Variants in PRKACB observed in about 807,000 individuals in gnomAD.
The protein encoded by PRKACB is protein kinase cAMP-activated catalytic subunit beta.
In PRKACB, 16 loss-of-function variants were observed where a neutral mutation model predicts 51.4. That is an observed-to-expected ratio of 0.31 (90% CI 0.21 to 0.47). PRKACB has a LOEUF of 0.47. PRKACB is among the 20% of genes least tolerant of loss of function. The pLI is 1.00. For missense variants in PRKACB, 309 were observed against 464.5 expected, an observed-to-expected ratio of 0.67 and a Z score of 3.08; for synonymous variants, 147 against 154.4, an observed-to-expected ratio of 0.95 and a Z score of 0.35.
chr1:84,109,489 C>T (rs1408997298), intron 1 of PRKACB, among the ~76,000 whole-genome samples: 1 of 151,708 alleles, frequency 6.6e-6, no homozygotes, highest in Non-Finnish European at 1.5e-5. Context: ...CTTTTATAGA[C>T]GGGAGTCCCT....
intron 1 of PRKACB, among the ~76,000 whole-genome samples, chr1:84,086,552 C>T (rs1031974108): frequency 2.0e-5 from 3 of 152,324 alleles, no homozygotes; most frequent in Non-Finnish European, 4.4e-5. Flanking sequence ...TGGTCCCTTC[C>T]GATCTGAAGC....
At chr1:84,224,468 C>G (rs1674246471) in intron 9 of PRKACB, among the ~76,000 whole-genome samples, 1 of 152,182 alleles carries the variant, frequency 6.6e-6, no homozygotes, top group Non-Finnish European at 1.5e-5. Flanking sequence ...ACAGATTGGG[C>G]AAGCCAGACC....
Position 84,175,619 on chromosome 1 carries a change from T to A in PRKACB, c.188-3558T>A, listed in dbSNP as rs576767011. Among the ~76,000 whole-genome samples, 38 of 151,944 alleles carry A rather than the reference T, an allele frequency of 2.5e-4. No individual in the cohort carries two copies. In the East Asian group the frequency reaches 7.0e-3, roughly 28 times the overall value. ...TTTTCCTAATGTTTAAAATAAACTT[T>A]AAAATCTGATTTTTAAACTATGTTC... On this transcript the variant is annotated intron_variant, in intron 1 of 9. Transcript: ENST00000370685.
chr1:84,148,083 C>T (rs181496193), intron 1 of PRKACB, among the ~76,000 whole-genome samples: 44 of 152,246 alleles, frequency 2.9e-4, no homozygotes, highest in African/African-American at 9.6e-4. Context: ...TTAGAACTAA[C>T]GCTTTTGACG....
chr1:84,234,237 G>T (rs1274376169), intron 9 of PRKACB, among the ~76,000 whole-genome samples: 1 of 152,242 alleles, frequency 6.6e-6, no homozygotes, highest in East Asian at 1.9e-4. Flanking sequence ...GGGGTCAGGG[G>T]TCAGGGACCC....
intron 7 of PRKACB, among the ~76,000 whole-genome samples, chr1:84,199,062 TATATATGCATATATGTATATATATGC>T: frequency 1.9e-5 from 1 of 51,486 alleles, no homozygotes; most frequent in East Asian, 4.6e-4. Context: ...TATATATGCG[TATATATGCATATATGTATATATATGC>T]GTATATATGC....
At chr1:84,216,338 CAAAG>C (rs1672873350) in intron 9 of PRKACB, among the ~76,000 whole-genome samples, 1 of 151,766 alleles carries the variant, frequency 6.6e-6, no homozygotes, top group Admixed American at 6.6e-5. Flanking sequence ...GACCCCGTCT[CAAAG>C]AAATAAATAA....
chr1:84,115,800 T>G (rs964714835), intron 1 of PRKACB, among the ~76,000 whole-genome samples: 2 of 142,818 alleles, frequency 1.4e-5, no homozygotes, highest in Admixed American at 1.5e-4. Context: ...GACAATCTCT[T>G]GAACCCAGGA....
chr1:84,168,378 G>A (rs1658226904), intron 1 of PRKACB, among the ~76,000 whole-genome samples: 1 of 151,536 alleles, frequency 6.6e-6, no homozygotes. Context: ...CAAAGTTTAT[G>A]TGCTCTCCTA....
intron 1 of PRKACB, among the ~76,000 whole-genome samples, chr1:84,119,595 A>G (rs367903511): frequency 9.9e-5 from 15 of 152,202 alleles, no homozygotes; most frequent in East Asian, 5.8e-4. Flanking sequence ...CAATTTCTAG[A>G]TGATATTCAC....
chr1:84,196,519 A>G (rs1668287050), intron 5 of PRKACB, 97 bp from the exon 6 acceptor site: 2 of 1,227,816 alleles, frequency 1.6e-6, no homozygotes, highest in Admixed American at 5.4e-5. Flanking sequence ...TTTGTTCCCA[A>G]AGTACCTCTA....
At chr1:84,145,005 T>A (rs1030408157) in intron 1 of PRKACB, among the ~76,000 whole-genome samples, 1 of 152,164 alleles carries the variant, frequency 6.6e-6, no homozygotes, top group African/African-American at 2.4e-5. Flanking sequence ...GTGAGAAAGT[T>A]ATTTCAGTTT....
intron 1 of PRKACB, among the ~76,000 whole-genome samples, chr1:84,124,364 G>T (rs554819921): frequency 2.6e-5 from 4 of 152,104 alleles, no homozygotes; most frequent in Non-Finnish European, 5.9e-5. Context: ...TTGACTACTG[G>T]TTTACCTGAA....
At chr1:84,190,660 A>G (rs1398877546) in intron 5 of PRKACB, among the ~76,000 whole-genome samples, 1 of 152,116 alleles carries the variant, frequency 6.6e-6, no homozygotes, top group Non-Finnish European at 1.5e-5. Context: ...AGAGGCAAAT[A>G]TAAAACTCTC....
intron 1 of PRKACB, among the ~76,000 whole-genome samples, chr1:84,127,379 T>G (rs1206971339): frequency 2.0e-5 from 3 of 152,206 alleles, no homozygotes; most frequent in African/African-American, 7.2e-5. Context: ...AGCATTTCTT[T>G]GTTGGAAAGA....
intron 9 of PRKACB, among the ~76,000 whole-genome samples, chr1:84,234,063 T>C (rs1313423011): frequency 5.3e-5 from 8 of 150,452 alleles, no homozygotes; most frequent in Admixed American, 3.3e-4. Flanking sequence ...TTTTGGTCTT[T>C]GATGATGGTG....
intron 5 of PRKACB, among the ~76,000 whole-genome samples, chr1:84,192,054 A>G (rs188549894): frequency 1.5e-4 from 23 of 152,266 alleles, no homozygotes; most frequent in Non-Finnish European, 1.0e-4. Context: ...ATAAATAAAA[A>G]TATTACAGCT....
chr1:84,198,266 T>G (rs1668749092), intron 7 of PRKACB, among the ~76,000 whole-genome samples: 1 of 152,174 alleles, frequency 6.6e-6, no homozygotes, highest in Non-Finnish European at 1.5e-5. Context: ...AATAGGACTA[T>G]TAACAGCAAT....
intron 1 of PRKACB, among the ~76,000 whole-genome samples, chr1:84,081,336 C>T (rs1647515132): frequency 6.6e-6 from 1 of 152,106 alleles, no homozygotes; most frequent in South Asian, 2.1e-4. Context: ...GGTGAGATTC[C>T]ATCTTCATCT....
Sources: gnomAD v4.1 joint callset for allele counts (sites outside exome capture counted in the v4.1 genomes callset) on GRCh38, gnomAD v4.1.1 for gene constraint, MANE v1.5 for transcripts, NCBI Gene and HGNC (gene_info 2026-07-23, HGNC 2026-07-21) for gene names.